Variants in BZW2 observed in about 807,000 individuals in gnomAD.
The protein encoded by BZW2 is basic leucine zipper and W2 domains 2, also known as eIF5-mimic protein 1.
A neutral mutation model predicts 53.2 loss-of-function variants in BZW2; 23 were observed. The ratio of observed to expected loss-of-function variants is 0.43; its 90% CI spans 0.31 to 0.61. BZW2 has a LOEUF of 0.61. Ranked by LOEUF, BZW2 falls within the 20% of genes least tolerant of loss-of-function variation. The pLI, the probability that BZW2 is intolerant of heterozygous loss-of-function variation, is 0.09. For missense variants in BZW2, 409 were observed against 503.1 expected (o/e 0.81, Z 1.79); for synonymous variants, 227 against 186.4 (o/e 1.22, Z -1.77).
chr7:16,673,645 C>G (rs1443491077), intron 2 of BZW2, among the ~76,000 whole-genome samples: 1 of 152,002 alleles, frequency 6.6e-6, no homozygotes, highest in Non-Finnish European at 1.5e-5. Flanking sequence ...AGTTAGGATT[C>G]CAAAGAGTTT....
chr7:16,647,150 A>G (rs900686183), intron 1 of BZW2, among the ~76,000 whole-genome samples: 1 of 152,136 alleles, frequency 6.6e-6, no homozygotes. Flanking sequence ...AAAATGCGGG[A>G]ATCAGTCATT....
chr7:16,701,013 T>TC (rs1783650421), intron 10 of BZW2, among the ~76,000 whole-genome samples: 2 of 152,100 alleles, frequency 1.3e-5, no homozygotes, highest in Admixed American at 6.6e-5. Context: ...ATTAGCCATG[T>TC]CCCCCTTGGC....
At position 16,706,250 on chromosome 7, in the gene BZW2, G is replaced by C; in HGVS notation, c.*162G>C. On this transcript the variant is annotated 3_prime_UTR_variant, in exon 12 of 12. Coordinates refer to ENST00000258761, the MANE Select transcript of BZW2 (RefSeq NM_014038.3). ...GGAGAAATGGTTTTGTTTTTGTTTTGTTTTTAAATGGAGCCCTGAGGCATC... is the reference window on the plus strand; with the variant it reads ...GGAGAAATGGTTTTGTTTTTGTTTTCTTTTTAAATGGAGCCCTGAGGCATC... 1 of 730,810 alleles carries C rather than the reference G, an allele frequency of 1.4e-6. No individual in the cohort carries two copies. Among genetic ancestry groups the C allele is most frequent in the South Asian group, 2.0e-5 (1 of 51,184 alleles). The allele number at this position is 730,810 out of a possible 1,614,324, so 45.3% of individuals were successfully genotyped here.
At chr7:16,698,350 A>G in intron 10 of BZW2, 164 bp downstream of exon 10, 1 of 946,296 alleles carries the variant, frequency 1.1e-6, no homozygotes. Flanking sequence ...ATGTAGAGAG[A>G]GGAGGCATAC....
chr7:16,691,427 A>C (rs527916068), intron 7 of BZW2, among the ~76,000 whole-genome samples: 2 of 152,222 alleles, frequency 1.3e-5, no homozygotes, highest in Non-Finnish European at 2.9e-5. Context: ...GGTTGTCTAT[A>C]GATTAGCTCT....
intron 1 of BZW2, among the ~76,000 whole-genome samples, chr7:16,646,879 G>A (rs1436264863): frequency 1.3e-5 from 2 of 152,212 alleles, no homozygotes; most frequent in Non-Finnish European, 2.9e-5. Flanking sequence ...CAGCCTGTGG[G>A]AGGGGGAAGG....
chr7:16,652,723 C>T (rs1320329489), intron 1 of BZW2, among the ~76,000 whole-genome samples: 1 of 152,144 alleles, frequency 6.6e-6, no homozygotes, highest in Non-Finnish European at 1.5e-5. Context: ...CGGGGTTTCA[C>T]CATGTTGGCC....
chr7:16,646,202 ACTGCTGCTGCTGCTG>A lies in BZW2; in HGVS notation c.-86_-72del, dbSNP rs560205352. 5.9e-6 allele frequency: 2 copies of A among 337,708 alleles called. No individual in the cohort carries two copies. Among genetic ancestry groups the A allele is most frequent in the African/African-American group, 2.2e-5 (1 of 44,930 alleles). The allele number at this position is 337,708 out of a possible 1,614,324, so 20.9% of individuals were successfully genotyped here. On this transcript the variant is annotated 5_prime_UTR_variant, in exon 1 of 12. Transcript: ENST00000258761. ...CTTCACTCCTCCATTGTCTGCCGCC[ACTGCTGCTGCTGCTG>A]CTGCTGCCGCTGCTGCTGCACGAAT...
chr7:16,675,804 G>T (rs187555250), intron 3 of BZW2, among the ~76,000 whole-genome samples: 108 of 152,348 alleles, frequency 7.1e-4, no homozygotes, highest in Non-Finnish European at 9.7e-4. Context: ...TAGCAGCCGG[G>T]CGTGGTGGCT....
intron 1 of BZW2, among the ~76,000 whole-genome samples, chr7:16,656,596 CAA>C (rs1562475770): frequency 2.9e-5 from 4 of 140,230 alleles, no homozygotes; most frequent in South Asian, 4.8e-4. Context: ...CACACACACA[CAA>C]GTAGGTTTAG....
Position 16,674,566 on chromosome 7 carries a change from C to T in BZW2, c.213C>T (p.Ile71=). 6.2e-7 allele frequency: 1 copy of T among 1,603,078 alleles called. No homozygotes were observed. Among genetic ancestry groups the T allele is most frequent in the Non-Finnish European group, 8.5e-7 (1 of 1,174,156 alleles). ...YRRYADTLFD[I]LVAGSMLAPG... ...GCTATGCAGACACACTCTTCGATATCCTGGTGGCTGGCAGTATGCTTGGTA... is the reference window on the plus strand; with the variant it reads ...GCTATGCAGACACACTCTTCGATATTCTGGTGGCTGGCAGTATGCTTGGTA... Residue 71 remains isoleucine, a synonymous_variant, in exon 3 of 12, where the codon ATC becomes ATT. Coordinates refer to ENST00000258761, the MANE Select transcript of BZW2 (RefSeq NM_014038.3).
At chr7:16,690,616 A>C (rs1783271399) in intron 7 of BZW2, among the ~76,000 whole-genome samples, 1 of 152,224 alleles carries the variant, frequency 6.6e-6, no homozygotes, top group Non-Finnish European at 1.5e-5. Flanking sequence ...AGACTGTGCT[A>C]ATCTCAAATG....
At chr7:16,647,122 G>T (rs908842752) in intron 1 of BZW2, among the ~76,000 whole-genome samples, 1 of 152,140 alleles carries the variant, frequency 6.6e-6, no homozygotes, top group Non-Finnish European at 1.5e-5. Context: ...GTGTATTTCA[G>T]AATAAGATTT....
chr7:16,670,455 C>CA (rs1782566556), intron 2 of BZW2, among the ~76,000 whole-genome samples: 1 of 152,362 alleles, frequency 6.6e-6, no homozygotes, highest in South Asian at 2.1e-4. Context: ...CCACCTGAAT[C>CA]AACATCCAAC....
At chr7:16,685,850 G>C (rs1659844258) in intron 5 of BZW2, 55 bp from the exon 6 acceptor site, 2 of 1,473,184 alleles carry the variant, frequency 1.4e-6, no homozygotes, top group African/African-American at 1.5e-5. Flanking sequence ...CATAGACATG[G>C]TTCCTTTTTT....
intron 7 of BZW2, among the ~76,000 whole-genome samples, chr7:16,690,979 AG>A (rs2128366085): frequency 6.6e-6 from 1 of 152,316 alleles, no homozygotes; most frequent in African/African-American, 2.4e-5. Flanking sequence ...TCAGTGTGCA[AG>A]GGTCCAGTCC....
At chr7:16,695,084 T>A in intron 8 of BZW2, 80 bp downstream of exon 8, 1 of 1,337,806 alleles carries the variant, frequency 7.5e-7, no homozygotes, top group Non-Finnish European at 1.0e-6. Flanking sequence ...AGGCTTTCCT[T>A]AACAAGTCTG....
intron 2 of BZW2, among the ~76,000 whole-genome samples, chr7:16,672,575 G>C (rs1300713836): frequency 6.6e-6 from 1 of 151,718 alleles, no homozygotes; most frequent in Non-Finnish European, 1.5e-5. Flanking sequence ...GAAGTTTTGG[G>C]TTCATCCTTT....
intron 3 of BZW2, among the ~76,000 whole-genome samples, chr7:16,676,628 A>T (rs1782774716): frequency 6.6e-6 from 1 of 152,204 alleles, no homozygotes; most frequent in Non-Finnish European, 1.5e-5. Flanking sequence ...ATCTCTGTCA[A>T]TTAGGTAAGG....
Sources: allele counts gnomAD v4.1 joint callset (sites outside exome capture counted in the v4.1 genomes callset), GRCh38; gene constraint gnomAD v4.1.1; transcripts MANE v1.5; gene names NCBI Gene and HGNC (gene_info 2026-07-23, HGNC 2026-07-21).